Variants in KAT6B observed in about 807,000 individuals in gnomAD.
The protein encoded by KAT6B is histone acetyltransferase KAT6B.
Under a neutral mutation model 187.5 loss-of-function variants are expected in KAT6B, and 10 were observed. That is an observed-to-expected ratio of 0.05 (90% confidence interval 0.03 to 0.09). KAT6B has a LOEUF of 0.09. Ranked by LOEUF, KAT6B falls within the 10% of genes least tolerant of loss-of-function variation. The pLI, the probability that KAT6B is intolerant of heterozygous loss-of-function variation, is 1.00. For synonymous variants in KAT6B, 861 were observed against 926.8 expected, an observed-to-expected ratio of 0.93 and a Z score of 1.29; for missense variants, 1,952 against 2,558.9, an observed-to-expected ratio of 0.76 and a Z score of 5.12.
intron 3 of KAT6B, among the ~76,000 whole-genome samples, chr10:74,892,891 C>A (rs1387361404): frequency 6.6e-6 from 1 of 152,152 alleles, no homozygotes; most frequent in Admixed American, 6.5e-5. Flanking sequence ...ATCTGAAAGC[C>A]CCCCATGTGG....
intron 3 of KAT6B, among the ~76,000 whole-genome samples, chr10:74,957,214 A>G (rs1840750074): frequency 6.6e-6 from 1 of 152,234 alleles, no homozygotes; most frequent in South Asian, 2.1e-4. Flanking sequence ...ACAATTTTTA[A>G]AAGTTAATTA....
At chr10:74,973,624 T>A (rs1841980619) in intron 7 of KAT6B, among the ~76,000 whole-genome samples, 1 of 152,216 alleles carries the variant, frequency 6.6e-6, no homozygotes, top group South Asian at 2.1e-4. Context: ...AAAAATAGTA[T>A]TCTCCCGCAC....
intron 3 of KAT6B, among the ~76,000 whole-genome samples, chr10:74,849,868 G>A (rs369824954): frequency 1.4e-4 from 21 of 151,994 alleles, no homozygotes; most frequent in South Asian, 8.3e-4. Flanking sequence ...GAGTGGTGAA[G>A]CCAAGATTCT....
intron 3 of KAT6B, among the ~76,000 whole-genome samples, chr10:74,880,947 G>A (rs1844809948): frequency 7.2e-6 from 1 of 138,844 alleles, no homozygotes; most frequent in South Asian, 2.2e-4. Flanking sequence ...TTTTTGAGAC[G>A]GACTCTCACT....
At chr10:74,984,917 T>G in intron 11 of KAT6B, 163 bp from the exon 12 acceptor site, 1 of 665,678 alleles carries the variant, frequency 1.5e-6, no homozygotes, top group African/African-American at 1.8e-5. Flanking sequence ...CAGTGACAGC[T>G]GTTTTCTGGT....
intron 3 of KAT6B, among the ~76,000 whole-genome samples, chr10:74,861,499 T>A (rs1234819292): frequency 6.6e-6 from 1 of 152,210 alleles, no homozygotes; most frequent in Non-Finnish European, 1.5e-5. Context: ...GTAGGACTAT[T>A]CATTCTTCGT....
intron 3 of KAT6B, among the ~76,000 whole-genome samples, chr10:74,956,384 A>C (rs1321432363): frequency 6.6e-6 from 1 of 152,188 alleles, no homozygotes; most frequent in African/African-American, 2.4e-5. Context: ...TTGTAAAGGT[A>C]CCTTTTCCCC....
chr10:74,962,625 C>T (rs1436142150), intron 4 of KAT6B, among the ~76,000 whole-genome samples: 1 of 152,184 alleles, frequency 6.6e-6, no homozygotes, highest in African/African-American at 2.4e-5. Context: ...TGGGGAGGAT[C>T]ATTCTTAAAT....
chr10:74,980,865 G>A (rs1333645247), intron 10 of KAT6B, among the ~76,000 whole-genome samples: 1 of 152,194 alleles, frequency 6.6e-6, no homozygotes, highest in Non-Finnish European at 1.5e-5. Flanking sequence ...TTGATTTTCA[G>A]CCGTGCTATT....
intron 15 of KAT6B, 32 bp from the exon 16 acceptor site, chr10:75,021,849 C>G: frequency 6.2e-7 from 1 of 1,613,408 alleles, no homozygotes; most frequent in Non-Finnish European, 8.5e-7. Flanking sequence ...ACTGCCCTCT[C>G]ACTGGCCACC....
In KAT6B at chr10:74,972,649, G is replaced by A. The variant is rs1276818571; in HGVS notation, c.1061+10G>A. 1.2e-6 allele frequency: 2 copies of A among 1,610,578 alleles called. No individual in the cohort carries two copies. Among genetic ancestry groups the A allele is most frequent in the African/African-American group, 2.7e-5 (2 of 74,802 alleles). On this transcript the variant is annotated intron_variant, in intron 7 of 17. Transcript: ENST00000287239. Reference sequence around the variant, plus strand: ...TAAAGCAACGATTGTTGTAGGTTGAGATCTTATCAAAAGAAATCATTTATG... The same window carrying A: ...TAAAGCAACGATTGTTGTAGGTTGAAATCTTATCAAAAGAAATCATTTATG...
intron 13 of KAT6B, among the ~76,000 whole-genome samples, chr10:74,998,024 A>G (rs914909246): frequency 1.7e-4 from 26 of 152,226 alleles, no homozygotes; most frequent in African/African-American, 6.0e-4. Context: ...AGGCAGGAGA[A>G]TCACTTGAAC....
chr10:74,976,941 ACTGTGT>A lies in KAT6B; in HGVS notation c.1994-373_1994-368del, dbSNP rs1328139573. ...TACCCTTTATCAAACAAAAACCGAA[ACTGTGT>A]CATTTGGACAAAGTGGTAGAATTTA... On this transcript the variant is annotated intron_variant, in intron 8 of 17. Transcript: ENST00000287239. 3 of 282,666 alleles carry A rather than the reference ACTGTGT, an allele frequency of 1.1e-5. No homozygotes were observed. The Admixed American group carries it at 1.5e-4, about 14-fold the overall frequency. The allele number at this position is 282,666 out of a possible 1,614,324, so 17.5% of individuals were successfully genotyped here. A position where few individuals can be genotyped will look rare whatever the true frequency, so the allele number is the denominator to read the frequency against.
chr10:74,883,354 T>G (rs1845005122), intron 3 of KAT6B, among the ~76,000 whole-genome samples: 1 of 152,138 alleles, frequency 6.6e-6, no homozygotes, highest in African/African-American at 2.4e-5. Flanking sequence ...GGGACAATAG[T>G]GTCAAGTATA....
Position 75,031,363 on chromosome 10 carries a change from G to T in KAT6B, c.*317G>T. The T allele has an allele frequency of 2.4e-6, 1 of 417,386 alleles. No individual in the cohort carries two copies. Among genetic ancestry groups the T allele is most frequent in the Non-Finnish European group, 4.4e-6 (1 of 228,916 alleles). The allele number at this position is 417,386 out of a possible 1,614,324, so 25.9% of individuals were successfully genotyped here. ...TGTGCCTGCTTCTGTTAAACAATGT[G>T]GATATCAAGCCCCCCCAAATTATCT... On this transcript the variant is annotated 3_prime_UTR_variant, in exon 18 of 18. Transcript: ENST00000287239.
chr10:74,853,206 C>T (rs561691752), intron 3 of KAT6B, among the ~76,000 whole-genome samples: 2 of 151,408 alleles, frequency 1.3e-5, no homozygotes, highest in Non-Finnish European at 2.9e-5. Flanking sequence ...CCTCGACCTC[C>T]CGGGCTCAAG....
intron 3 of KAT6B, among the ~76,000 whole-genome samples, chr10:74,870,100 C>T (rs986223813): frequency 1.1e-4 from 17 of 151,810 alleles, no homozygotes; most frequent in African/African-American, 3.4e-4. Flanking sequence ...GGCAACTTAG[C>T]GAGACCCCAC....
intron 3 of KAT6B, among the ~76,000 whole-genome samples, chr10:74,876,137 A>G (rs368855451): frequency 6.6e-6 from 1 of 152,290 alleles, no homozygotes; most frequent in African/African-American, 2.4e-5. Flanking sequence ...AAATATTTAC[A>G]CTTGCAACTT....
At chr10:74,839,412 A>G (rs1841561047) in intron 2 of KAT6B, among the ~76,000 whole-genome samples, 2 of 151,724 alleles carry the variant, frequency 1.3e-5, no homozygotes, top group Non-Finnish European at 2.9e-5. Context: ...TTGTATTTTT[A>G]GTAGAGACGG....
Sources: allele counts gnomAD v4.1 joint callset (sites outside exome capture counted in the v4.1 genomes callset), GRCh38; gene constraint gnomAD v4.1.1; transcripts MANE v1.5; gene names NCBI Gene and HGNC (gene_info 2026-07-23, HGNC 2026-07-21).